Variants in KDR observed in about 807,000 individuals in gnomAD.
KDR encodes the protein vascular endothelial growth factor receptor 2.
In KDR, 43 loss-of-function variants were observed where a neutral mutation model predicts 160.9. The ratio of observed to expected loss-of-function variants is 0.27; its 90% CI spans 0.21 to 0.34. The LOEUF is 0.34. Ranked by LOEUF, KDR falls within the 10% of genes least tolerant of loss-of-function variation. KDR has a pLI of 1.00. For synonymous variants in KDR, 617 were observed against 600.1 expected (o/e 1.03, Z -0.41); for missense variants, 1,469 against 1,666.4 (o/e 0.88, Z 2.06).
chr4:55,088,652 G>A (rs1205839445), intron 26 of KDR, among the ~76,000 whole-genome samples: 2 of 152,208 alleles, frequency 1.3e-5, no homozygotes, highest in African/African-American at 2.4e-5. Context: ...GTAGAAATCA[G>A]AGTGGTCTGC....
At chr4:55,088,053 G>A (rs531050064) in intron 26 of KDR, among the ~76,000 whole-genome samples, 1 of 152,226 alleles carries the variant, frequency 6.6e-6, no homozygotes, top group East Asian at 1.9e-4. Context: ...AGAACACAAG[G>A]AGCTACATAG....
At chr4:55,083,307 G>C (rs1267713432) in intron 27 of KDR, among the ~76,000 whole-genome samples, 1 of 152,112 alleles carries the variant, frequency 6.6e-6, no homozygotes, top group Non-Finnish European at 1.5e-5. Context: ...AGAAACTTGA[G>C]AAAGTCATGA....
intron 1 of KDR, among the ~76,000 whole-genome samples, chr4:55,123,976 T>C (rs889745788): frequency 6.6e-6 from 1 of 152,232 alleles, no homozygotes; most frequent in Non-Finnish European, 1.5e-5. Flanking sequence ...CACTTCTTTG[T>C]GGAATACAGA....
intron 20 of KDR, among the ~76,000 whole-genome samples, chr4:55,095,359 C>T (rs1394742143): frequency 6.6e-6 from 1 of 152,122 alleles, no homozygotes; most frequent in African/African-American, 2.4e-5. Flanking sequence ...TCCCCCATGT[C>T]CACACTCTGT....
In KDR at chr4:55,096,353, A is replaced by G; in HGVS notation, c.2615-11T>C. The G allele has an allele frequency of 6.3e-7, 1 of 1,580,076 alleles. No homozygotes were observed. The highest frequency in any genetic ancestry group is 8.7e-7 in the Non-Finnish European group (1 of 1,150,464). ...TGTGTGTTGCTCCTTCTACAAATAC[A>G]GTACAAAGAGGGAAATCATAGGTAT... On this transcript the variant is annotated splice_polypyrimidine_tract_variant and intron_variant, in intron 18 of 29. Coordinates refer to ENST00000263923, the MANE Select transcript of KDR (RefSeq NM_002253.4).
chr4:55,114,371 G>T, intron 5 of KDR, 106 bp from the exon 6 acceptor site: 1 of 1,242,606 alleles, frequency 8.0e-7, no homozygotes, highest in Non-Finnish European at 1.1e-6. Context: ...ATGCCACATT[G>T]TTTTTCCCTG....
At chr4:55,086,376 ATGATTTGCCCCAAG>A (rs1719862365) in intron 27 of KDR, among the ~76,000 whole-genome samples, 1 of 152,148 alleles carries the variant, frequency 6.6e-6, no homozygotes, top group African/African-American at 2.4e-5. Flanking sequence ...CAGAGGGTAG[ATGATTTGCCCCAAG>A]TTGCACAGCT....
At position 55,079,561 on chromosome 4, in the gene KDR, T is replaced by C; in HGVS notation, c.*380A>G. 2.6e-6 allele frequency: 1 copy of C among 385,852 alleles called. No homozygotes were observed. The highest frequency in any genetic ancestry group is 4.8e-6 in the Non-Finnish European group (1 of 207,460). The allele number at this position is 385,852 out of a possible 1,614,324, so 23.9% of individuals were successfully genotyped here. On this transcript the variant is annotated 3_prime_UTR_variant, in exon 30 of 30. Coordinates refer to ENST00000263923, the MANE Select transcript of KDR (RefSeq NM_002253.4). ...ATCTTCAACACCTCGAACACTTACA[T>C]TGCCTGGTTTATCTTCTAGTTTTAC...
chr4:55,113,920 G>T (rs1232153393), intron 6 of KDR, among the ~76,000 whole-genome samples: 2 of 152,104 alleles, frequency 1.3e-5, no homozygotes, highest in Non-Finnish European at 2.9e-5. Context: ...AAAATTCCTG[G>T]TATTTCACCT....
chr4:55,100,127 C>A (rs1416709894), intron 15 of KDR, among the ~76,000 whole-genome samples: 2 of 152,170 alleles, frequency 1.3e-5, no homozygotes, highest in Non-Finnish European at 2.9e-5. Flanking sequence ...GAGAATCAAA[C>A]CGGGCCACAA....
At chr4:55,097,880 T>C in intron 17 of KDR, 114 bp from the exon 18 acceptor site, 1 of 840,642 alleles carries the variant, frequency 1.2e-6, no homozygotes, top group South Asian at 1.4e-5. Context: ...TTAACATGGA[T>C]AGTCCAGTTT....
chr4:55,096,460 C>G (rs1439425241), intron 18 of KDR, 118 bp from the exon 19 acceptor site: 8 of 715,852 alleles, frequency 1.1e-5, no homozygotes, highest in Admixed American at 8.0e-5. Context: ...ACAGCTGTGA[C>G]CTAGTTTACA....
chr4:55,107,792 G>A lies in KDR; in HGVS notation c.1357C>T (p.Pro453Ser), dbSNP rs1720481177. Residue 453 changes from proline to serine, a missense_variant, in exon 10 of 30, where the codon CCG (proline) becomes TCG (serine). Pro to Ser is a moderately conservative substitution (Grantham distance 74, BLOSUM62 -1). Coordinates refer to ENST00000263923, the MANE Select transcript of KDR (RefSeq NM_002253.4). Reference protein sequence around the residue: ...LTCTVYAIPPPHHIHWYWQLE... With the variant: ...LTCTVYAIPPSHHIHWYWQLE... ...TGCCAATACCAGTGGATGTGATGCG[G>A]GGGAGGAATGGCATAGACCGTACAT... The A allele has an allele frequency of 1.2e-6, 2 of 1,614,006 alleles. No homozygotes were observed.
At chr4:55,115,954 A>G (rs1178421910) in intron 3 of KDR, among the ~76,000 whole-genome samples, 2 of 152,240 alleles carry the variant, frequency 1.3e-5, no homozygotes, top group Admixed American at 6.5e-5. Context: ...GAATTTGGTT[A>G]TTCAAGAGGA....
At position 55,118,702 on chromosome 4, in the gene KDR, G is replaced by A. The variant is rs2110034457; in HGVS notation, c.260C>T (p.Thr87Ile). 1 of 1,613,952 alleles carries A rather than the reference G, an allele frequency of 6.2e-7. No individual in the cohort carries two copies. The highest frequency in any genetic ancestry group is 8.5e-7 in the Non-Finnish European group (1 of 1,179,824). ...TCCGATCACTTTTGGAATTGTGAGTGTCTTACAGAAGAGGCCATCGCTGCA... is the reference window on the plus strand; with the variant it reads ...TCCGATCACTTTTGGAATTGTGAGTATCTTACAGAAGAGGCCATCGCTGCA... ...TECSDGLFCK[T>I]LTIPKVIGND... The change falls in exon 3 of 30, where the codon ACA becomes ATA. Residue 87 changes from threonine to isoleucine, a missense_variant. Around this residue, in one of 7 missense-constraint regions of KDR, gnomAD observed 792 missense variants for 840.9 expected, o/e 0.94. Coordinates refer to ENST00000263923, the MANE Select transcript of KDR (RefSeq NM_002253.4).
chr4:55,110,480 G>C lies in KDR; in HGVS notation c.1178C>G (p.Thr393Arg). The C allele has an allele frequency of 6.2e-7, 1 of 1,613,756 alleles. No homozygotes were observed. The highest frequency in any genetic ancestry group is 8.5e-7 in the Non-Finnish European group (1 of 1,179,746). ...GGTAAGGATGACAGTGTAATTTCCT[G>C]TGTCTCTTTCACTCACTTCCATAAT... ...LTIMEVSERD[T>R]GNYTVILTNP... is the part of the protein sequence containing the mutation. Residue 393 changes from threonine to arginine, a missense_variant, in exon 9 of 30, where the codon ACA becomes AGA. Physicochemically the swap from Thr to Arg is moderately conservative, Grantham distance 71. Around this residue, in one of 7 missense-constraint regions of KDR, gnomAD observed 792 missense variants for 840.9 expected, o/e 0.94. Transcript: ENST00000263923.
intron 2 of KDR, 40 bp from the exon 3 acceptor site, chr4:55,118,840 C>A: frequency 6.6e-7 from 1 of 1,523,884 alleles, no homozygotes; most frequent in Non-Finnish European, 9.1e-7. Context: ...TATGAAGTGC[C>A]AGACTGTGAG....
chr4:55,095,799 A>C (rs1356361606), intron 19 of KDR, 134 bp from the exon 20 acceptor site: 5 of 713,482 alleles, frequency 7.0e-6, no homozygotes, highest in African/African-American at 1.7e-5. Context: ...TGTAGAAATC[A>C]GCTGGTCCCA....
rs370427694 is a variant in KDR at position 55,080,061 on chromosome 4, G to A, written c.3951C>T (p.Thr1317=). 6 of 1,613,984 alleles carry A rather than the reference G, an allele frequency of 3.7e-6. No individual in the cohort carries two copies. The highest frequency in any genetic ancestry group is 2.2e-5 in the East Asian group (1 of 44,892). The part of the protein sequence containing the change: ...SGYHSDDTDT[T]VYSSEEAELL... ...GTTCTGCTTCCTCACTGGAGTACAC[G>A]GTGGTGTCTGTGTCATCGGAGTGAT... Residue 1317 remains threonine, a synonymous_variant, in exon 30 of 30, where the codon ACC becomes ACT. Coordinates refer to ENST00000263923, the MANE Select transcript of KDR (RefSeq NM_002253.4).
Sources: gnomAD v4.1 joint callset for allele counts (sites outside exome capture counted in the v4.1 genomes callset) on GRCh38, gnomAD v4.1.1 for gene constraint, gnomAD v4.1.1 regional missense constraint, MANE v1.5 for transcripts, NCBI Gene and HGNC (gene_info 2026-07-23, HGNC 2026-07-21) for gene names.